SAMD3: variants seen among roughly 807,000 people sequenced by gnomAD.
The protein encoded by SAMD3 is sterile alpha motif domain-containing protein 3.
Under a neutral mutation model 58.5 loss-of-function variants are expected in SAMD3, and 63 were observed. The ratio of observed to expected loss-of-function variants is 1.08; its 90% CI spans 0.88 to 1.33. The LOEUF (loss-of-function observed/expected upper bound fraction) is 1.33. Among genes scored for constraint, SAMD3 ranks in the 40% most tolerant of loss-of-function variants. The probability of loss-of-function intolerance (pLI) is 0.00; values close to 1 mark genes in which losing one functional copy is unlikely to be tolerated. For synonymous variants in SAMD3, 220 were observed against 210.3 expected (o/e 1.05, Z -0.40); for missense variants, 604 against 608.4 (o/e 0.99, Z 0.08).
At chr6:130,317,995 T>A (rs1583097601) in intron 1 of SAMD3, among the ~76,000 whole-genome samples, 1 of 152,188 alleles carries the variant, frequency 6.6e-6, no homozygotes, top group African/African-American at 2.4e-5. Flanking sequence ...CTACATAGAT[T>A]GAAAACTACG....
At chr6:130,274,652 C>A (rs921329701) in intron 2 of SAMD3, among the ~76,000 whole-genome samples, 3 of 152,020 alleles carry the variant, frequency 2.0e-5, no homozygotes, top group African/African-American at 7.3e-5. Context: ...GTTTCTCTTT[C>A]CCATTTTGAA....
At chr6:130,183,273 G>A (rs1792556258) in intron 7 of SAMD3, 1 of 425,030 alleles carries the variant, frequency 2.4e-6, no homozygotes, top group Non-Finnish European at 4.6e-6. Flanking sequence ...GGAGGCGGAG[G>A]TTGCAGTGAG....
intron 1 of SAMD3, among the ~76,000 whole-genome samples, chr6:130,332,246 A>G (rs1776956010): frequency 6.6e-6 from 1 of 152,192 alleles, no homozygotes; most frequent in Non-Finnish European, 1.5e-5. Flanking sequence ...AGGCTGTAGA[A>G]GGTGGTGCTA....
intron 2 of SAMD3, among the ~76,000 whole-genome samples, chr6:130,255,334 A>G (rs1220307786): frequency 1.3e-5 from 2 of 152,196 alleles, no homozygotes; most frequent in Non-Finnish European, 2.9e-5. Flanking sequence ...GCATTGTTTG[A>G]GTCCAGTGTT....
chr6:130,317,434 T>C (rs1449145928), intron 1 of SAMD3, among the ~76,000 whole-genome samples: 1 of 152,248 alleles, frequency 6.6e-6, no homozygotes, highest in African/African-American at 2.4e-5. Flanking sequence ...TATGATACTA[T>C]GTATATCTCT....
chr6:130,258,555 A>G (rs926629219), intron 2 of SAMD3, among the ~76,000 whole-genome samples: 1 of 152,212 alleles, frequency 6.6e-6, no homozygotes, highest in African/African-American at 2.4e-5. Flanking sequence ...AAGTTTTGAC[A>G]TATGAATAGT....
At chr6:130,228,790 G>T (rs1347960753) in intron 2 of SAMD3, among the ~76,000 whole-genome samples, 1 of 152,222 alleles carries the variant, frequency 6.6e-6, no homozygotes, top group Admixed American at 6.5e-5. Flanking sequence ...GTACTGGGCA[G>T]AGGGATTTCT....
intron 2 of SAMD3, among the ~76,000 whole-genome samples, chr6:130,271,746 G>A (rs1208717833): frequency 6.6e-6 from 1 of 152,168 alleles, no homozygotes; most frequent in Non-Finnish European, 1.5e-5. Context: ...GAGGTTTAAT[G>A]GACTCACAGT....
chr6:130,180,960 C>CTTTTTTTTT lies in SAMD3; in HGVS notation c.654+3142_654+3143insAAAAAAAAA, dbSNP rs1462563718. On this transcript the variant is annotated intron_variant, in intron 7 of 11. Transcript: ENST00000439090. ...TTTTCTTTTTCTTTCTTTCTTTTTT[C>CTTTTTTTTT]TTTTGAGACGGAGTTCCGCTCTTGT... Among the ~76,000 whole-genome samples the CTTTTTTTTT allele has an allele frequency of 7.3e-5, 10 of 136,498 alleles. No homozygotes were observed. In the East Asian group the frequency reaches 8.5e-4, roughly 12 times the overall value. The allele number at this position is 136,498 out of a possible 152,430, so 89.5% of individuals were successfully genotyped here.
intron 2 of SAMD3, among the ~76,000 whole-genome samples, chr6:130,283,847 T>C (rs1775069219): frequency 6.6e-6 from 1 of 152,168 alleles, no homozygotes; most frequent in Non-Finnish European, 1.5e-5. Context: ...AGGATTGTTA[T>C]TATTATTTTT....
rs1016564591 is a variant in SAMD3 at position 130,298,205 on chromosome 6, C to G, written c.-188+14773G>C. Among the ~76,000 whole-genome samples, 8 of 152,244 alleles carry G rather than the reference C, an allele frequency of 5.3e-5. No homozygotes were observed. In the East Asian group the frequency reaches 1.5e-3, roughly 29 times the overall value. Reference sequence around the variant, plus strand: ...GACTTCTCAGCAGAAACATTACAAACCAAAAGAGATTGGGGGCCTAGTTTT... The same window carrying G: ...GACTTCTCAGCAGAAACATTACAAAGCAAAAGAGATTGGGGGCCTAGTTTT... On this transcript the variant is annotated intron_variant, in intron 2 of 13. Transcript: ENST00000368134.
intron 1 of SAMD3, among the ~76,000 whole-genome samples, chr6:130,347,102 A>C (rs1304728472): frequency 6.6e-6 from 1 of 152,184 alleles, no homozygotes; most frequent in Non-Finnish European, 1.5e-5. Flanking sequence ...TCAAAGACCA[A>C]AGGTAGATAA....
intron 1 of SAMD3, among the ~76,000 whole-genome samples, chr6:130,358,902 G>C (rs570463742): frequency 7.2e-5 from 11 of 152,264 alleles, no homozygotes; most frequent in African/African-American, 2.6e-4. Context: ...TGAACATGTT[G>C]TAATTTAAGT....
intron 2 of SAMD3, among the ~76,000 whole-genome samples, chr6:130,230,599 G>T (rs1379086206): frequency 6.6e-6 from 1 of 152,058 alleles, no homozygotes; most frequent in Non-Finnish European, 1.5e-5. Context: ...TGTTGGCCAG[G>T]CTGGTCTTGA....
intron 2 of SAMD3, among the ~76,000 whole-genome samples, chr6:130,304,125 A>T (rs1357508789): frequency 6.6e-6 from 1 of 152,154 alleles, no homozygotes. Context: ...TGAGGTACAT[A>T]TCCAGCTTTT....
chr6:130,240,578 A>G (rs1334090437), intron 2 of SAMD3, among the ~76,000 whole-genome samples: 1 of 152,186 alleles, frequency 6.6e-6, no homozygotes, highest in Non-Finnish European at 1.5e-5. Context: ...GTCCCTCAAA[A>G]ATCGTGTGTT....
At chr6:130,174,013 G>A (rs913082243) in intron 8 of SAMD3, among the ~76,000 whole-genome samples, 11 of 152,140 alleles carry the variant, frequency 7.2e-5, no homozygotes, top group African/African-American at 9.7e-5. Flanking sequence ...CAGTAATGGC[G>A]GACAGCCCTC....
At chr6:130,331,644 G>A (rs976991396) in intron 1 of SAMD3, among the ~76,000 whole-genome samples, 17 of 152,282 alleles carry the variant, frequency 1.1e-4, no homozygotes, top group East Asian at 3.9e-4. Context: ...GCTTGAACCC[G>A]GGAGGCCGAG....
chr6:130,262,534 A>C (rs938602213), intron 2 of SAMD3, among the ~76,000 whole-genome samples: 9 of 152,062 alleles, frequency 5.9e-5, no homozygotes, highest in African/African-American at 2.2e-4. Flanking sequence ...ACCAGACCTA[A>C]GAGGAACTCC....
Sources: gnomAD v4.1 joint callset for allele counts (sites outside exome capture counted in the v4.1 genomes callset) on GRCh38, gnomAD v4.1.1 for gene constraint, MANE v1.5 for transcripts, NCBI Gene and HGNC (gene_info 2026-07-23, HGNC 2026-07-21) for gene names.